SNUPN: variants seen among roughly 807,000 people sequenced by gnomAD.
SNUPN encodes snurportin 1.
A neutral mutation model predicts 39.2 loss-of-function variants in SNUPN; 31 were observed. That is an observed-to-expected ratio of 0.79 (90% CI 0.59 to 1.07). The LOEUF (loss-of-function observed/expected upper bound fraction) is 1.07, where lower values mean the gene tolerates loss of function less well. SNUPN is among the 50% of genes least tolerant of loss of function. The pLI is 0.00. For synonymous variants in SNUPN, 132 were observed against 159.0 expected (o/e 0.83, Z 1.28); for missense variants, 382 against 434.2 (o/e 0.88, Z 1.07).
At chr15:75,601,051 A>G (rs554617991) in intron 8 of SNUPN, 87 bp downstream of exon 8, 16 of 989,958 alleles carry the variant, frequency 1.6e-5, no homozygotes, top group Non-Finnish European at 2.4e-5. Flanking sequence ...ACACAGCACA[A>G]TCAAGGAATA....
At chr15:75,604,068 A>G (rs2075312292) in intron 7 of SNUPN, among the ~76,000 whole-genome samples, 1 of 151,704 alleles carries the variant, frequency 6.6e-6, no homozygotes, top group Admixed American at 6.6e-5. Context: ...TCCTCAATGC[A>G]TGTTCCTCCA....
chr15:75,612,638 G>A (rs890773347), intron 3 of SNUPN, among the ~76,000 whole-genome samples: 7 of 151,796 alleles, frequency 4.6e-5, no homozygotes, highest in African/African-American at 1.7e-4. Flanking sequence ...TCTATATTGC[G>A]AGATGTCTGC....
At chr15:75,616,616 G>C (rs1466619511) in intron 3 of SNUPN, among the ~76,000 whole-genome samples, 1 of 152,084 alleles carries the variant, frequency 6.6e-6, no homozygotes, top group Non-Finnish European at 1.5e-5. Flanking sequence ...TAAAGGCAGG[G>C]GAGAATTCTG....
intron 3 of SNUPN, among the ~76,000 whole-genome samples, chr15:75,615,443 C>T (rs1297675533): frequency 6.6e-6 from 1 of 152,140 alleles, no homozygotes; most frequent in Non-Finnish European, 1.5e-5. Context: ...GCCTCGTGCT[C>T]AGCCTGTTTG....
chr15:75,609,340 C>T (rs189123247), intron 5 of SNUPN, among the ~76,000 whole-genome samples: 266 of 151,926 alleles, frequency 1.8e-3, no homozygotes, highest in African/African-American at 6.2e-3. Flanking sequence ...CAGGTGCCCA[C>T]CACCGCACCC....
At chr15:75,625,283 C>T (rs1433548610) in intron 1 of SNUPN, 2 of 148,582 alleles carry the variant, frequency 1.3e-5, no homozygotes, top group Admixed American at 1.4e-4. Context: ...CATCCGGCGC[C>T]CCCGCCTCGC....
rs2075321324 is a variant in SNUPN, at chr15:75,605,145, C to T, written c.678+5G>A. On this transcript the variant is annotated splice_donor_5th_base_variant and intron_variant, in intron 7 of 8. Coordinates refer to ENST00000308588, the MANE Select transcript of SNUPN (RefSeq NM_005701.4). The stretch of plus-strand genomic sequence containing the variant: ...GAACTCAGTGATCCTAACACCAGGC[C>T]TTACAGGATTAAGCTTGGTTTTCTC... 1 of 1,601,596 alleles carries T rather than the reference C, an allele frequency of 6.2e-7. No homozygotes were observed. Among genetic ancestry groups the T allele is most frequent in the Non-Finnish European group, 8.6e-7 (1 of 1,168,938 alleles).
chr15:75,615,875 T>G (rs1289544742), intron 3 of SNUPN, among the ~76,000 whole-genome samples: 1 of 151,998 alleles, frequency 6.6e-6, no homozygotes, highest in Non-Finnish European at 1.5e-5. Context: ...CCCAAAGTGC[T>G]GGGATTACAG....
At chr15:75,600,274 T>C (rs940430285) in intron 8 of SNUPN, among the ~76,000 whole-genome samples, 2 of 151,280 alleles carry the variant, frequency 1.3e-5, no homozygotes, top group African/African-American at 4.9e-5. Context: ...GTGAGGTTTG[T>C]TTTTTGTTTT....
intron 8 of SNUPN, among the ~76,000 whole-genome samples, chr15:75,599,908 C>T (rs113860312): frequency 0.17 from 25,917 of 150,086 alleles, 2,987 homozygotes; most frequent in Non-Finnish European, 0.25. Context: ...TGCGGTGGTG[C>T]GATCTCAGCT....
chr15:75,614,604 G>A (rs931443774), intron 3 of SNUPN, among the ~76,000 whole-genome samples: 1 of 152,146 alleles, frequency 6.6e-6, no homozygotes, highest in African/African-American at 2.4e-5. Flanking sequence ...AGGGGCTACA[G>A]GGAAGAATGG....
chr15:75,617,333 T>A (rs1210228834), intron 3 of SNUPN, 75 bp downstream of exon 3: 2 of 1,487,352 alleles, frequency 1.3e-6, no homozygotes, highest in Non-Finnish European at 1.8e-6. Flanking sequence ...TATGACAGCA[T>A]TTATTTCAGT....
Position 75,618,047 on chromosome 15 carries a change from C to T in SNUPN, c.159-495G>A, listed in dbSNP as rs187468396. Among the ~76,000 whole-genome samples, 10 of 152,204 alleles carry T rather than the reference C, an allele frequency of 6.6e-5. No homozygotes were observed. The South Asian group carries it at 1.7e-3, about 25-fold the overall frequency. On this transcript the variant is annotated intron_variant, in intron 2 of 8. Transcript: ENST00000308588. ...ACCGCCCCCTCAAAATCCTAAATAG[C>T]GAAACCCCCTCTGAATACACTCAGC...
chr15:75,620,752 C>T (rs550849713), intron 2 of SNUPN, 142 bp downstream of exon 2: 53 of 710,964 alleles, frequency 7.5e-5, no homozygotes, highest in Admixed American at 3.7e-4. Context: ...CAGGATTTAC[C>T]CCTCCCAACC....
chr15:75,621,026 G>A lies in SNUPN; in HGVS notation c.26C>T (p.Ala9Val), dbSNP rs371575451. ...ATCTTGAGACACAGAAAAGCTACTA[G>A]CCAGGGCCTGACTCAACTCTTCCAT... The part of the protein sequence containing the change: MEELSQAL[A>V]SSFSVSQDLN... The change falls in exon 2 of 9, where the codon GCT becomes GTT. Residue 9 changes from alanine (A) to valine (V), a missense_variant. By Grantham distance (64) the Ala-to-Val change is moderately conservative (BLOSUM62 0). Coordinates refer to ENST00000308588, the MANE Select transcript of SNUPN (RefSeq NM_005701.4). 1.2e-6 allele frequency: 2 copies of A among 1,613,770 alleles called. No homozygotes were observed. Among genetic ancestry groups the A allele is most frequent in the Non-Finnish European group, 8.5e-7 (1 of 1,179,986 alleles).
At position 75,598,483 on chromosome 15, in the gene SNUPN, T is replaced by C; in HGVS notation, c.958A>G (p.Met320Val). ...MEHKKSQKEG[M>V]KEKLTHKASE... ...GCCTTGTGTGTGAGTTTCTCCTTCA[T>C]GCCTTCCTTCTGGCTCTTCTTGTGC... The change falls in exon 9 of 9, where the codon ATG becomes GTG. Residue 320 changes from methionine to valine, a missense_variant. Coordinates refer to ENST00000308588, the MANE Select transcript of SNUPN (RefSeq NM_005701.4). The C allele has an allele frequency of 6.2e-7, 1 of 1,614,228 alleles. No homozygotes were observed. The highest frequency in any genetic ancestry group is 8.5e-7 in the Non-Finnish European group (1 of 1,180,040).
chr15:75,609,883 T>C lies in SNUPN; in HGVS notation c.408+7A>G. The C allele has an allele frequency of 6.2e-7, 1 of 1,607,172 alleles. No individual in the cohort carries two copies. Among genetic ancestry groups the C allele is most frequent in the Non-Finnish European group, 8.5e-7 (1 of 1,173,744 alleles). ...CCTACTGGCATAGGGGGCAGGCAGC[T>C]ACTCACCCTGGAGGCCACGATAAGG... is the stretch of plus-strand genomic sequence containing the variant. On this transcript the variant is annotated splice_region_variant and intron_variant, in intron 4 of 8. Transcript: ENST00000308588.
At position 75,598,347 on chromosome 15, in the gene SNUPN, G is replaced by A; in HGVS notation, c.*11C>T. The stretch of plus-strand genomic sequence containing the variant: ...GTACCATCCTGTGGCTCCTTAAGGA[G>A]GCTTCTCTCTTTAATTCTCCATGAG... On this transcript the variant is annotated 3_prime_UTR_variant, in exon 9 of 9. Transcript: ENST00000308588. 6.2e-7 allele frequency: 1 copy of A among 1,605,522 alleles called. No individual in the cohort carries two copies. Among genetic ancestry groups the A allele is most frequent in the Non-Finnish European group, 8.5e-7 (1 of 1,174,292 alleles).
chr15:75,599,809 A>G (rs894623787), intron 8 of SNUPN, among the ~76,000 whole-genome samples: 1 of 151,756 alleles, frequency 6.6e-6, no homozygotes, highest in Admixed American at 6.6e-5. Context: ...CATCCAGTTC[A>G]AGCAAATGCT....
Sources: allele counts gnomAD v4.1 joint callset (sites outside exome capture counted in the v4.1 genomes callset), GRCh38; gene constraint gnomAD v4.1.1; transcripts MANE v1.5; gene names NCBI Gene and HGNC (gene_info 2026-07-23, HGNC 2026-07-21).